SCLT1: variants seen among roughly 807,000 people sequenced by gnomAD.
SCLT1 encodes the protein sodium channel and clathrin linker 1, also known as sodium channel-associated protein 1.
SCLT1 carries 78 observed loss-of-function variants against 112.8 expected under a neutral mutation model. The ratio of observed to expected loss-of-function variants is 0.69; its 90% CI spans 0.58 to 0.83. The LOEUF (loss-of-function observed/expected upper bound fraction) is 0.83. Ranked by LOEUF, SCLT1 falls within the 40% of genes least tolerant of loss-of-function variation. The pLI, the probability that SCLT1 is intolerant of heterozygous loss-of-function variation, is 0.00. For missense variants in SCLT1, 747 were observed against 770.4 expected (o/e 0.97, Z 0.36); for synonymous variants, 257 against 254.7 (o/e 1.01, Z -0.09).
chr4:128,905,172 C>T (rs1257641349), intron 18 of SCLT1, among the ~76,000 whole-genome samples: 1 of 152,146 alleles, frequency 6.6e-6, no homozygotes, highest in Non-Finnish European at 1.5e-5. Context: ...TCCTAAGTTC[C>T]CTTCTTCCTA....
chr4:128,952,444 T>G, intron 14 of SCLT1: 11 of 481,810 alleles, frequency 2.3e-5, no homozygotes, highest in South Asian at 1.7e-4. Context: ...CTTCCCACTG[T>G]TATATATACT....
chr4:129,084,896 T>C (rs958502282), intron 1 of SCLT1, among the ~76,000 whole-genome samples: 1 of 152,114 alleles, frequency 6.6e-6, no homozygotes, highest in South Asian at 2.1e-4. Flanking sequence ...GACTTAAATG[T>C]AAAACCCCAA....
intron 5 of SCLT1, among the ~76,000 whole-genome samples, chr4:129,021,968 T>A (rs941037607): frequency 6.6e-6 from 1 of 152,074 alleles, no homozygotes; most frequent in African/African-American, 2.4e-5. Flanking sequence ...AGGTAGCAAT[T>A]TTTGCTGTTC....
At chr4:129,026,540 T>C (rs1036939543) in intron 5 of SCLT1, among the ~76,000 whole-genome samples, 2 of 151,704 alleles carry the variant, frequency 1.3e-5, no homozygotes, top group Non-Finnish European at 2.9e-5. Context: ...CTCTGCGACA[T>C]ATTCAAAGCA....
At chr4:129,056,806 T>C (rs887550266) in intron 2 of SCLT1, among the ~76,000 whole-genome samples, 1 of 152,210 alleles carries the variant, frequency 6.6e-6, no homozygotes, top group Non-Finnish European at 1.5e-5. Flanking sequence ...CCTTTCCAAT[T>C]TGGATGCGCT....
At chr4:129,056,595 TA>T (rs1217187279) in intron 2 of SCLT1, among the ~76,000 whole-genome samples, 2 of 152,256 alleles carry the variant, frequency 1.3e-5, no homozygotes, top group African/African-American at 4.8e-5. Context: ...TTTCAGTAGC[TA>T]TTGTAAATGA....
intron 5 of SCLT1, among the ~76,000 whole-genome samples, chr4:129,030,082 GA>G (rs1222838922): frequency 3.4e-4 from 52 of 152,202 alleles, no homozygotes; most frequent in African/African-American, 1.1e-3. Context: ...TTCCACAAAT[GA>G]AAAAGAATGG....
At chr4:129,090,352 A>G (rs1579987221) in intron 1 of SCLT1, among the ~76,000 whole-genome samples, 2 of 152,230 alleles carry the variant, frequency 1.3e-5, no homozygotes, top group South Asian at 4.1e-4. Flanking sequence ...ACTGCAAAGG[A>G]GCAAAGGTAA....
intron 18 of SCLT1, among the ~76,000 whole-genome samples, chr4:128,902,939 C>T (rs1339144443): frequency 6.6e-6 from 1 of 152,066 alleles, no homozygotes; most frequent in African/African-American, 2.4e-5. Context: ...TCAGTGTCTT[C>T]CACCTGTACA....
At chr4:128,908,027 GT>G (rs1560827286) in intron 18 of SCLT1, among the ~76,000 whole-genome samples, 1 of 152,134 alleles carries the variant, frequency 6.6e-6, no homozygotes, top group Non-Finnish European at 1.5e-5. Flanking sequence ...TTGAGGCACC[GT>G]TTAAGGTAAG....
At chr4:128,880,878 G>A (rs1358965500), downstream of SCLT1, among the ~76,000 whole-genome samples, 2 of 152,098 alleles carry the variant, frequency 1.3e-5, no homozygotes, top group Non-Finnish European at 2.9e-5. Context: ...GTTTGAAGCC[G>A]TATCTATTCT....
At chr4:129,074,561 T>C (rs1317118799) in intron 2 of SCLT1, among the ~76,000 whole-genome samples, 1 of 152,086 alleles carries the variant, frequency 6.6e-6, no homozygotes, top group Admixed American at 6.6e-5. Context: ...AAGACTGAAA[T>C]TGCCTAAAAA....
chr4:128,960,849 A>G (rs1398520626), intron 11 of SCLT1, among the ~76,000 whole-genome samples: 1 of 140,772 alleles, frequency 7.1e-6, no homozygotes, highest in African/African-American at 2.7e-5. Flanking sequence ...GAACCCGGGA[A>G]GCGGAGCTTG....
intron 5 of SCLT1, among the ~76,000 whole-genome samples, chr4:129,028,347 G>C (rs1354942534): frequency 6.6e-6 from 1 of 152,110 alleles, no homozygotes; most frequent in Non-Finnish European, 1.5e-5. Flanking sequence ...CAATGGAACA[G>C]AACAGAGCCC....
chr4:129,006,060 A>T (rs1220525541), intron 5 of SCLT1, among the ~76,000 whole-genome samples: 3 of 149,650 alleles, frequency 2.0e-5, no homozygotes, highest in Admixed American at 6.6e-5. Context: ...AGATATACCT[A>T]ATGCTAAATG....
intron 18 of SCLT1, among the ~76,000 whole-genome samples, chr4:128,927,528 T>C (rs1463463700): frequency 6.6e-6 from 1 of 151,706 alleles, no homozygotes; most frequent in Non-Finnish European, 1.5e-5. Context: ...TGAGCCGAGA[T>C]TGTGCCACTG....
intron 4 of SCLT1, among the ~76,000 whole-genome samples, chr4:129,042,799 C>T (rs1036746389): frequency 2.0e-5 from 3 of 152,074 alleles, no homozygotes; most frequent in African/African-American, 7.2e-5. Flanking sequence ...CAGGTGCACA[C>T]CACCACACCC....
At chr4:128,912,132 G>A (rs539945169) in intron 18 of SCLT1, among the ~76,000 whole-genome samples, 1 of 152,208 alleles carries the variant, frequency 6.6e-6, no homozygotes, top group East Asian at 1.9e-4. Context: ...ATCATTACAC[G>A]GAGAGTCAAA....
At chr4:129,057,194 T>C (rs948209357) in intron 2 of SCLT1, among the ~76,000 whole-genome samples, 1 of 152,208 alleles carries the variant, frequency 6.6e-6, no homozygotes, top group African/African-American at 2.4e-5. Flanking sequence ...TTGATAATGG[T>C]AAATAATCCT....
Sources: allele counts gnomAD v4.1 joint callset (sites outside exome capture counted in the v4.1 genomes callset), GRCh38; gene constraint gnomAD v4.1.1; transcripts MANE v1.5; gene names NCBI Gene and HGNC (gene_info 2026-07-23, HGNC 2026-07-21).